Variants in FRMPD3 observed in about 807,000 individuals in gnomAD.
The protein encoded by FRMPD3 is FERM and PDZ domain containing 3.
FRMPD3 carries 42 observed loss-of-function variants against 97.9 expected under a neutral mutation model. The ratio of observed to expected loss-of-function variants is 0.43; its 90% CI spans 0.34 to 0.55. The LOEUF (loss-of-function observed/expected upper bound fraction) is 0.55. Among genes scored for constraint, FRMPD3 ranks in the 20% least tolerant of loss-of-function variants. The pLI is 0.03. For missense variants in FRMPD3, 1,303 were observed against 1,457.7 expected (o/e 0.89, Z 1.73); for synonymous variants, 577 against 581.1 (o/e 0.99, Z 0.10).
At chrX:107,523,033 C>T (rs931807171) in intron 1 of FRMPD3, among the ~76,000 whole-genome samples, 1 of 111,420 alleles carries the variant, frequency 9.0e-6, no homozygotes, top group African/African-American at 3.3e-5. Context: ...CCTGTTTCCC[C>T]CAGGAGGATA....
At chrX:107,585,182 G>A (rs748788724) in intron 13 of FRMPD3, among the ~76,000 whole-genome samples, 25 of 110,947 alleles carry the variant, frequency 2.3e-4, no homozygotes, top group African/African-American at 8.2e-4. Context: ...GTATTCCTAG[G>A]TATTTTATTC....
intron 13 of FRMPD3, among the ~76,000 whole-genome samples, chrX:107,591,489 C>T (rs766015998): frequency 2.7e-5 from 3 of 112,047 alleles, no homozygotes; most frequent in Admixed American, 9.5e-5. Context: ...TTGTCCATAC[C>T]GTTTAGGTTA....
At chrX:107,560,230 A>G (rs749026110) in intron 8 of FRMPD3, 27 bp from the exon 9 acceptor site, 1 of 1,205,341 alleles carries the variant, frequency 8.3e-7, no homozygotes. Context: ...CCTTCAGCTG[A>G]TAGGTTTGGA....
chrX:107,471,239 T>C lies in FRMPD3; in HGVS notation c.-8+21234T>C, dbSNP rs769077590. ...CCACTGCCGCAGTCGCAGTGTCTGC[T>C]CCAAGCCTCTTCTTTCCCTTCCTTC... On this transcript the variant is annotated intron_variant, in intron 1 of 14. Transcript: ENST00000683843. 6.5e-4 allele frequency among the ~76,000 whole-genome samples: 72 copies of C among 111,096 alleles called. 1 individual carries two copies. The highest frequency in any genetic ancestry group is 2.2e-3 in the African/African-American group (67 of 30,567).
At chrX:107,454,176 A>T (rs1931339122) in intron 1 of FRMPD3, among the ~76,000 whole-genome samples, 1 of 110,051 alleles carries the variant, frequency 9.1e-6, no homozygotes, top group Non-Finnish European at 1.9e-5. Context: ...CAGCCAAGTG[A>T]CCCCTCCTTT....
chrX:107,602,404 G>C lies in FRMPD3; in HGVS notation c.4365G>C (p.Gln1455His). Residue 1455 changes from glutamine (Q) to histidine (H), a missense_variant, in exon 15 of 15, where the codon CAG (glutamine) becomes CAC (histidine). By Grantham distance (24) the Gln-to-His change is conservative. This residue lies in a region of FRMPD3 where 764 missense variants were observed against 820.2 expected (regional missense o/e 0.93). Transcript: ENST00000683843. ...CGCTGGGAGACCCCTCCTACGTCCAGGTTGCCCCAGAGACCAAAGGCCCCA... is the reference window on the plus strand; with the variant it reads ...CGCTGGGAGACCCCTCCTACGTCCACGTTGCCCCAGAGACCAAAGGCCCCA... ...SPTLGDPSYVQVAPETKGPRQ... is the reference protein window; with the variant it reads ...SPTLGDPSYVHVAPETKGPRQ... The C allele has an allele frequency of 1.7e-6, 2 of 1,210,348 alleles. No individual in the cohort carries two copies. Among genetic ancestry groups the C allele is most frequent in the Non-Finnish European group, 2.2e-6 (2 of 894,905 alleles).
intron 1 of FRMPD3, chrX:107,525,452 C>T: frequency 2.1e-6 from 1 of 472,138 alleles, no homozygotes; most frequent in East Asian, 3.6e-5. Context: ...CTCCCCTGGC[C>T]CTTGATGGAG....
rs181256213 is a variant in FRMPD3, at chrX:107,519,392, G to T, written c.-7-7190G>T. Among the ~76,000 whole-genome samples, 149 of 111,581 alleles carry T rather than the reference G, an allele frequency of 1.3e-3. 1 individual carries two copies. Among genetic ancestry groups the T allele is most frequent in the African/African-American group, 4.8e-3 (148 of 30,673 alleles). On this transcript the variant is annotated intron_variant, in intron 1 of 14. Transcript: ENST00000683843. ...CACGCCTGTGGTCCCAGCTACTTGGGTGTCTGAGGTGGGATTGCTTGAGCC... is the reference window on the plus strand; with the variant it reads ...CACGCCTGTGGTCCCAGCTACTTGGTTGTCTGAGGTGGGATTGCTTGAGCC...
intron 1 of FRMPD3, among the ~76,000 whole-genome samples, chrX:107,458,030 G>A (rs149643171): frequency 1.2e-3 from 134 of 112,014 alleles, no homozygotes; most frequent in African/African-American, 4.1e-3. Flanking sequence ...TGAAAGCTAG[G>A]ATCTGACAGC....
At position 107,540,195 on chromosome X, in the gene FRMPD3, G is replaced by T. The variant is rs1314353536; in HGVS notation, c.298-5542G>T. On this transcript the variant is annotated intron_variant, in intron 4 of 14. Coordinates refer to ENST00000683843, the MANE Select transcript of FRMPD3 (RefSeq NM_001388459.1). The stretch of plus-strand genomic sequence containing the variant: ...GGCAGTCTTGAGTGTGGGAAGGAAG[G>T]CCCCCTGGTTCCCCTAGTAGTGATC... Among the ~76,000 whole-genome samples, 7 of 111,718 alleles carry T rather than the reference G, an allele frequency of 6.3e-5. 1 individual carries two copies. The Admixed American group carries it at 6.6e-4, about 11-fold the overall frequency.
chrX:107,512,097 G>A (rs1441472508), intron 1 of FRMPD3, among the ~76,000 whole-genome samples: 1 of 109,326 alleles, frequency 9.1e-6, no homozygotes, highest in East Asian at 2.9e-4. Flanking sequence ...TACAGCCTCC[G>A]GTGAGTGGGA....
chrX:107,602,041 G>A lies in FRMPD3; in HGVS notation c.4002G>A (p.Gln1334=), dbSNP rs372464381. 1.3e-4 allele frequency: 150 copies of A among 1,184,597 alleles called. 5 individuals carry two copies. In the East Asian group the frequency reaches 1.5e-3, roughly 12 times the overall value. ...ERDRVLPSQR[Q]PEAGPGVSLS... ...ACAGAGTCCTCCCTAGCCAGAGGCA[G>A]CCAGAGGCTGGCCCAGGCGTGAGCC... is the stretch of plus-strand genomic sequence containing the variant. Residue 1334 remains glutamine (Q), a synonymous_variant, in exon 15 of 15, where the codon CAG becomes CAA. Transcript: ENST00000683843.
intron 13 of FRMPD3, among the ~76,000 whole-genome samples, chrX:107,585,384 GCAAA>G (rs1275453062): frequency 9.0e-6 from 1 of 111,631 alleles, no homozygotes; most frequent in African/African-American, 3.3e-5. Flanking sequence ...CATGTCATCT[GCAAA>G]CAGAGACAAT....
chrX:107,460,892 C>G (rs1270280812), intron 1 of FRMPD3, among the ~76,000 whole-genome samples: 3 of 111,070 alleles, frequency 2.7e-5, no homozygotes, highest in African/African-American at 9.8e-5. Context: ...GAGTGTTGTT[C>G]CATATTCATC....
At chrX:107,583,148 T>C (rs1178341896) in intron 13 of FRMPD3, among the ~76,000 whole-genome samples, 1 of 108,902 alleles carries the variant, frequency 9.2e-6, no homozygotes, top group Non-Finnish European at 1.9e-5. Context: ...CCGGGATACA[T>C]GTGCAGAATG....
chrX:107,568,846 C>T (rs1247711283), intron 12 of FRMPD3, among the ~76,000 whole-genome samples: 1 of 110,078 alleles, frequency 9.1e-6, no homozygotes, highest in Non-Finnish European at 1.9e-5. Context: ...ATAACTTGAG[C>T]CCAGGAGTTC....
chrX:107,536,624 T>C (rs1490785847), intron 4 of FRMPD3, among the ~76,000 whole-genome samples: 1 of 111,896 alleles, frequency 8.9e-6, no homozygotes, highest in Non-Finnish European at 1.9e-5. Flanking sequence ...AAAGCTGCTA[T>C]AATATTTGTG....
chrX:107,600,422 A>G lies in FRMPD3; in HGVS notation c.2383A>G (p.Thr795Ala). ...GTCGGCCATGAAGCAGCACCAGAAC[A>G]CCACCTACTTCCTGGCCCAGCACCT... ...MMSAMKQHQN[T>A]TYFLAQHLNK... The change falls in exon 15 of 15, where the codon ACC becomes GCC. Residue 795 changes from threonine to alanine, a missense_variant. Physicochemically the swap from Thr to Ala is moderately conservative, Grantham distance 58. Around this residue, in one of 3 missense-constraint regions of FRMPD3, gnomAD observed 764 missense variants for 820.2 expected, o/e 0.93. Transcript: ENST00000683843. 8.3e-7 allele frequency: 1 copy of G among 1,210,603 alleles called. No individual in the cohort carries two copies. Among genetic ancestry groups the G allele is most frequent in the Non-Finnish European group, 1.1e-6 (1 of 895,267 alleles).
rs77634223 is a variant in FRMPD3 at position 107,472,520 on chromosome X, TAA to T, written c.-8+22528_-8+22529del. Reference sequence around the variant, plus strand: ...AAGCAGTGGCGTTTGGAGGCTCCCATAAAAAAAAAAAAAAGAAAACCATAATA... The same window carrying T: ...AAGCAGTGGCGTTTGGAGGCTCCCATAAAAAAAAAAAAGAAAACCATAATA... On this transcript the variant is annotated intron_variant, in intron 1 of 14. Coordinates refer to ENST00000683843, the MANE Select transcript of FRMPD3 (RefSeq NM_001388459.1). Among the ~76,000 whole-genome samples, 783 of 95,126 alleles carry T rather than the reference TAA, an allele frequency of 8.2e-3. 4 individuals carry two copies. The highest frequency in any genetic ancestry group is 0.026 in the Middle Eastern group (5 of 189). 82.6% of individuals were successfully genotyped at this position (95,126 alleles called of 115,157 possible). A position where few individuals can be genotyped will look rare whatever the true frequency, so the allele number is the denominator to read the frequency against.
Sources: gnomAD v4.1 joint callset for allele counts (sites outside exome capture counted in the v4.1 genomes callset) on GRCh38, gnomAD v4.1.1 for gene constraint, gnomAD v4.1.1 regional missense constraint, MANE v1.5 for transcripts, NCBI Gene and HGNC (gene_info 2026-07-23, HGNC 2026-07-21) for gene names.